The following CCDC7 variants were observed in gnomAD, a reference collection of about 807,000 sequenced individuals.
CCDC7 encodes coiled-coil domain-containing protein 7.
In CCDC7, 183 loss-of-function variants were observed where a neutral mutation model predicts 196.9. The observed-to-expected ratio is 0.93, with a 90% CI of 0.82 to 1.05. The LOEUF is 1.05. Ranked by LOEUF, CCDC7 falls within the 50% of genes least tolerant of loss-of-function variation. The pLI is 0.00. For synonymous variants in CCDC7, 525 were observed against 484.6 expected (o/e 1.08, Z -1.10); for missense variants, 1,540 against 1,482.2 (o/e 1.04, Z -0.64).
At chr10:32,794,278 A>T (rs751558645) in intron 29 of CCDC7, among the ~76,000 whole-genome samples, 5 of 152,054 alleles carry the variant, frequency 3.3e-5, no homozygotes, top group Non-Finnish European at 7.4e-5. Flanking sequence ...TAGTTGCATC[A>T]TTTCCGTGGT....
chr10:32,857,475 A>T (rs1200221376), intron 41 of CCDC7, among the ~76,000 whole-genome samples: 1 of 152,210 alleles, frequency 6.6e-6, no homozygotes, highest in Admixed American at 6.5e-5. Flanking sequence ...AAACAAAAGG[A>T]ATCTTGAAAA....
chr10:32,625,882 G>T lies in CCDC7; in HGVS notation c.1802-8372G>T, dbSNP rs191012002. Among the ~76,000 whole-genome samples, 886 of 152,068 alleles carry T rather than the reference G, an allele frequency of 5.8e-3. 8 individuals are homozygous for T. The highest frequency in any genetic ancestry group is 8.5e-3 in the Non-Finnish European group (578 of 67,940). ...CATAGTGTTCTACAGTTCTATCCAT[G>T]TCATTGCAAGTGACAGAATTCCATT... On this transcript the variant is annotated intron_variant, in intron 18 of 41. Transcript: ENST00000639629.
At chr10:32,504,835 A>G (rs953456915) in intron 9 of CCDC7, among the ~76,000 whole-genome samples, 1 of 152,220 alleles carries the variant, frequency 6.6e-6, no homozygotes, top group African/African-American at 2.4e-5. Flanking sequence ...ATAACGTATC[A>G]TGGGAAATAT....
At chr10:32,835,451 G>A (rs183486622) in intron 33 of CCDC7, among the ~76,000 whole-genome samples, 1 of 152,170 alleles carries the variant, frequency 6.6e-6, no homozygotes, top group East Asian at 1.9e-4. Context: ...ATCAGTAATA[G>A]ACTAGATAAA....
intron 28 of CCDC7, among the ~76,000 whole-genome samples, chr10:32,744,740 G>A (rs2074421311): frequency 6.6e-6 from 1 of 152,108 alleles, no homozygotes; most frequent in South Asian, 2.1e-4. Context: ...TATGTCTTTT[G>A]CAATGTAATT....
chr10:32,609,605 T>C (rs1004015216), intron 18 of CCDC7, among the ~76,000 whole-genome samples: 1 of 152,190 alleles, frequency 6.6e-6, no homozygotes, highest in African/African-American at 2.4e-5. Flanking sequence ...AGGGCTAATA[T>C]GGTTTGGATC....
intron 24 of CCDC7, among the ~76,000 whole-genome samples, chr10:32,702,852 G>A (rs1220713835): frequency 2.0e-5 from 3 of 151,864 alleles, no homozygotes; most frequent in African/African-American, 7.3e-5. Flanking sequence ...GCCTTTTTTT[G>A]TTTTCCATTT....
chr10:32,518,329 T>C, intron 10 of CCDC7, 87 bp from the exon 12 acceptor site: 1 of 1,358,332 alleles, frequency 7.4e-7, no homozygotes, highest in Non-Finnish European at 9.8e-7. Flanking sequence ...TAATGAAGAC[T>C]TTCTTACCTT....
intron 2 of CCDC7, among the ~76,000 whole-genome samples, chr10:32,454,810 C>G (rs1302432748): frequency 2.0e-5 from 3 of 152,180 alleles, no homozygotes; most frequent in Admixed American, 6.5e-5. Context: ...TCATCCTAAT[C>G]TGTGGCCACC....
intron 21 of CCDC7, among the ~76,000 whole-genome samples, chr10:32,681,438 G>C (rs2075835868): frequency 6.6e-6 from 1 of 152,084 alleles, no homozygotes; most frequent in African/African-American, 2.4e-5. Context: ...TACAGCTACT[G>C]TCTGAACAAT....
intron 11 of CCDC7, among the ~76,000 whole-genome samples, chr10:32,521,773 G>A (rs2047918020): frequency 6.6e-6 from 1 of 152,120 alleles, no homozygotes. Context: ...TTCTTACCAT[G>A]TTCCAGATCT....
intron 23 of CCDC7, among the ~76,000 whole-genome samples, chr10:32,691,066 C>T (rs763758201): frequency 2.0e-5 from 3 of 152,178 alleles, no homozygotes; most frequent in Non-Finnish European, 2.9e-5. Flanking sequence ...TCCCACCTTC[C>T]CTTTAAATTC....
At chr10:32,457,936 A>G (rs570141362) in intron 3 of CCDC7, among the ~76,000 whole-genome samples, 1 of 151,660 alleles carries the variant, frequency 6.6e-6, no homozygotes, top group Admixed American at 6.5e-5. Context: ...CACTTGTTAG[A>G]TGAATTTTTT....
At chr10:32,711,548 T>C (rs571975967) in intron 24 of CCDC7, 72 bp from the exon 26 acceptor site, 1 of 909,906 alleles carries the variant, frequency 1.1e-6, no homozygotes, top group South Asian at 1.6e-5. Context: ...CCACTTGTTA[T>C]AAATTTGAAC....
At chr10:32,674,060 T>C (rs2074514664) in intron 21 of CCDC7, among the ~76,000 whole-genome samples, 1 of 151,784 alleles carries the variant, frequency 6.6e-6, no homozygotes, top group African/African-American at 2.4e-5. Flanking sequence ...AAAACCGAAC[T>C]CACATTTTCA....
chr10:32,722,254 T>A lies in CCDC7; in HGVS notation c.2570-4480T>A, dbSNP rs549190756. Among the ~76,000 whole-genome samples, 4 of 152,194 alleles carry A rather than the reference T, an allele frequency of 2.6e-5. No homozygotes were observed. In the South Asian group the frequency reaches 6.2e-4, roughly 24 times the overall value. On this transcript the variant is annotated intron_variant, in intron 25 of 41. Transcript: ENST00000639629. ...GCTTGGGAATGAATGCAAGCAGGAATATACTAAAACAATATAACTATACTG... is the reference window on the plus strand; with the variant it reads ...GCTTGGGAATGAATGCAAGCAGGAAAATACTAAAACAATATAACTATACTG...
chr10:32,565,533 T>G (rs1479335192), intron 13 of CCDC7, 25 bp from the exon 15 acceptor site: 1 of 1,597,280 alleles, frequency 6.3e-7, no homozygotes, highest in Non-Finnish European at 8.5e-7. Flanking sequence ...AGTAAATACC[T>G]TTTTTCCCCC....
rs567527831 is a variant in CCDC7, at chr10:32,837,345, C to T, written c.3352+2447C>T. On this transcript the variant is annotated intron_variant, in intron 33 of 41. Coordinates refer to ENST00000639629, the Ensembl canonical transcript of CCDC7. ...AAAAATGCTCATCATCACTGGCCAT[C>T]AGAGAAATGCAAATCAAAACCACAA... is the stretch of plus-strand genomic sequence containing the variant. 1.9e-4 allele frequency among the ~76,000 whole-genome samples: 29 copies of T among 152,104 alleles called. No homozygotes were observed. The East Asian group carries it at 4.3e-3, about 22-fold the overall frequency.
intron 14 of CCDC7, among the ~76,000 whole-genome samples, chr10:32,567,133 T>C (rs945152901): frequency 2.0e-5 from 3 of 147,466 alleles, no homozygotes; most frequent in Non-Finnish European, 4.5e-5. Flanking sequence ...TATCTCAAAA[T>C]GTTAATAGTA....
Sources: allele counts gnomAD v4.1 joint callset (sites outside exome capture counted in the v4.1 genomes callset), GRCh38; gene constraint gnomAD v4.1.1; transcripts MANE v1.5; gene names NCBI Gene and HGNC (gene_info 2026-07-23, HGNC 2026-07-21).